Variants in GNG7 observed in about 807,000 individuals in gnomAD.
GNG7 encodes G protein subunit gamma 7.
In GNG7, 1 loss-of-function variant was observed where a neutral mutation model predicts 4.0. That is an observed-to-expected ratio of 0.25 (90% CI 0.09 to 1.18). GNG7 has a LOEUF of 1.18. Ranked by LOEUF, GNG7 falls within the 50% of genes most tolerant of loss-of-function variation. The probability of loss-of-function intolerance (pLI) is 0.50; values close to 1 mark genes in which losing one functional copy is unlikely to be tolerated. For synonymous variants in GNG7, 34 were observed against 36.9 expected, an observed-to-expected ratio of 0.92 and a Z score of 0.29; for missense variants, 86 against 91.9, an observed-to-expected ratio of 0.94 and a Z score of 0.26.
At chr19:2,663,972 C>A (rs1568278607) in intron 1 of GNG7, among the ~76,000 whole-genome samples, 2 of 152,222 alleles carry the variant, frequency 1.3e-5, no homozygotes, top group Non-Finnish European at 2.9e-5. Context: ...CCACAAATGT[C>A]CCCAGACATT....
chr19:2,542,723 G>GCT (rs2144749128), intron 3 of GNG7, among the ~76,000 whole-genome samples: 1 of 152,264 alleles, frequency 6.6e-6, no homozygotes, highest in East Asian at 1.9e-4. Context: ...CGCAAGGCCA[G>GCT]GATGGGACTG....
At position 2,568,439 on chromosome 19, in the gene GNG7, TAC is replaced by T. The variant is rs562960354; in HGVS notation, c.-77-13253_-77-13252del. Among the ~76,000 whole-genome samples, 53 of 112,820 alleles carry T rather than the reference TAC, an allele frequency of 4.7e-4. No homozygotes were observed. In the South Asian group the frequency reaches 0.015, roughly 33 times the overall value. 74.0% of individuals were successfully genotyped at this position (112,820 alleles called of 152,430 possible). A position where few individuals can be genotyped will look rare whatever the true frequency, so the allele number is the denominator to read the frequency against. ...ATAGACATACACACATACATATACA[TAC>T]ACACATACATATACATACACACACA... On this transcript the variant is annotated intron_variant, in intron 2 of 4. Transcript: ENST00000382159.
rs72978712 is a variant in GNG7, at chr19:2,634,825, T to C, written c.-78+11399A>G. Among the ~76,000 whole-genome samples the C allele has an allele frequency of 0.24, 36,431 of 151,352 alleles. 4,917 individuals carry two copies. The highest frequency in any genetic ancestry group is 0.34 in the African/African-American group (14,181 of 41,162). On this transcript the variant is annotated intron_variant, in intron 2 of 4. Coordinates refer to ENST00000382159, the MANE Select transcript of GNG7 (RefSeq NM_052847.3). This position sits in a 1 kb window ranked among gnomAD's most constrained non-coding sequence, Gnocchi z 5.3. Reference sequence around the variant, plus strand: ...CTGGCCGCGGGGACTGGAGTTTGCTTACCACACAAGAGCCCTTCTCAGGAT... The same window carrying C: ...CTGGCCGCGGGGACTGGAGTTTGCTCACCACACAAGAGCCCTTCTCAGGAT...
intron 1 of GNG7, among the ~76,000 whole-genome samples, chr19:2,681,628 C>A (rs756142153): frequency 6.6e-6 from 1 of 152,154 alleles, no homozygotes; most frequent in Non-Finnish European, 1.5e-5. Context: ...AGGTGTACGT[C>A]TAGGAGTCAA....
intron 2 of GNG7, among the ~76,000 whole-genome samples, chr19:2,600,957 C>T (rs968656545): frequency 2.0e-5 from 3 of 152,006 alleles, no homozygotes; most frequent in African/African-American, 7.2e-5. Context: ...CTGAAAAGTA[C>T]GGCTGAAGGA....
chr19:2,613,962 G>A (rs1325426121), intron 2 of GNG7, among the ~76,000 whole-genome samples: 1 of 152,238 alleles, frequency 6.6e-6, no homozygotes, highest in Admixed American at 6.5e-5. Flanking sequence ...CGCAGCCTAA[G>A]GCCAGCGAAG....
At chr19:2,646,335 T>A (rs1271298979) in intron 1 of GNG7, 55 bp from the exon 2 acceptor site, 1 of 151,796 alleles carries the variant, frequency 6.6e-6, no homozygotes, top group East Asian at 1.9e-4. Flanking sequence ...GCACCATGCA[T>A]GTGTTGATGG....
intron 2 of GNG7, among the ~76,000 whole-genome samples, chr19:2,605,240 C>A (rs950625176): frequency 7.2e-5 from 11 of 152,138 alleles, no homozygotes; most frequent in African/African-American, 2.7e-4. Flanking sequence ...CTCTGTTGCC[C>A]AGGTTGGAGT....
chr19:2,532,163 A>AAAAAC (rs1978616061), intron 3 of GNG7, among the ~76,000 whole-genome samples: 1 of 98,818 alleles, frequency 1.0e-5, no homozygotes, highest in Non-Finnish European at 2.0e-5. Flanking sequence ...AAAAAAAAAC[A>AAAAAC]AAAAAAAAAA....
chr19:2,553,067 T>C (rs1215994840), intron 3 of GNG7, among the ~76,000 whole-genome samples: 3 of 149,872 alleles, frequency 2.0e-5, no homozygotes, highest in African/African-American at 4.9e-5. Context: ...AAAAGTTGGT[T>C]CTTTGAAAAG....
intron 2 of GNG7, among the ~76,000 whole-genome samples, chr19:2,564,449 C>T (rs1450417564): frequency 1.3e-5 from 2 of 152,092 alleles, no homozygotes; most frequent in Admixed American, 6.6e-5. Flanking sequence ...GGCATGGTGG[C>T]GTGCACCTGT....
At chr19:2,667,325 A>G (rs117346446) in intron 1 of GNG7, among the ~76,000 whole-genome samples, 2,481 of 152,178 alleles carry the variant, frequency 0.016, 31 homozygotes, top group Middle Eastern at 0.031. Context: ...CCCTCTCAAA[A>G]AACAAACAAA....
chr19:2,624,528 C>CAAAAAAAAAAAAA (rs921061279), intron 2 of GNG7, among the ~76,000 whole-genome samples: 1 of 62,470 alleles, frequency 1.6e-5, no homozygotes, highest in Non-Finnish European at 3.5e-5. Flanking sequence ...GACTCCGTCT[C>CAAAAAAAAAAAAA]AAAAAAAAAA....
chr19:2,541,527 G>A (rs529810007), intron 3 of GNG7, among the ~76,000 whole-genome samples: 3 of 152,144 alleles, frequency 2.0e-5, no homozygotes, highest in Non-Finnish European at 4.4e-5. Flanking sequence ...GAGGTCAGGA[G>A]TTCGAGACCA....
At chr19:2,532,301 T>A (rs1335978905) in intron 3 of GNG7, among the ~76,000 whole-genome samples, 1 of 152,066 alleles carries the variant, frequency 6.6e-6, no homozygotes, top group Non-Finnish European at 1.5e-5. Context: ...CGCTGCAAAT[T>A]GGAACAATGG....
chr19:2,622,992 G>A (rs1195446475), intron 2 of GNG7, among the ~76,000 whole-genome samples: 2 of 152,236 alleles, frequency 1.3e-5, no homozygotes, highest in Non-Finnish European at 2.9e-5. Context: ...CCAAGTGAGG[G>A]TGGGTGAGGG....
At chr19:2,685,796 G>C (rs1206557427) in intron 1 of GNG7, among the ~76,000 whole-genome samples, 1 of 152,140 alleles carries the variant, frequency 6.6e-6, no homozygotes, top group Admixed American at 6.6e-5. Context: ...ACGAGGGCCT[G>C]GTGGGCAGGG....
rs866144105 is a variant in GNG7 at position 2,553,723 on chromosome 19, T to C, written c.-38+1426A>G. ...CACATTACATATAATATATTACATA[T>C]ATGTACATATTACATGCAATATATT... is the stretch of plus-strand genomic sequence containing the variant. On this transcript the variant is annotated intron_variant, in intron 3 of 4. Transcript: ENST00000382159. Among the ~76,000 whole-genome samples, 62 of 148,768 alleles carry C rather than the reference T, an allele frequency of 4.2e-4. No individual in the cohort carries two copies. The South Asian group carries it at 0.012, about 28-fold the overall frequency.
intron 2 of GNG7, among the ~76,000 whole-genome samples, chr19:2,613,342 C>A (rs1258516858): frequency 6.6e-6 from 1 of 152,146 alleles, no homozygotes; most frequent in African/African-American, 2.4e-5. Flanking sequence ...CAAGCCACTG[C>A]CTCATTGGAA....
Sources: allele counts gnomAD v4.1 joint callset (sites outside exome capture counted in the v4.1 genomes callset), GRCh38; gene constraint gnomAD v4.1.1; non-coding constraint Gnocchi (gnomAD v3.1); transcripts MANE v1.5; gene names NCBI Gene and HGNC (gene_info 2026-07-23, HGNC 2026-07-21).